The following CCSAP variants were observed in gnomAD, a reference collection of about 807,000 sequenced individuals.
The protein encoded by CCSAP is centriole, cilia and spindle-associated protein.
A neutral mutation model predicts 25.9 loss-of-function variants in CCSAP; 17 were observed. The observed-to-expected ratio is 0.66, with a 90% CI of 0.45 to 0.99. The LOEUF (loss-of-function observed/expected upper bound fraction) is 0.99, where lower values mean the gene tolerates loss of function less well. Among genes scored for constraint, CCSAP ranks in the 50% least tolerant of loss-of-function variants. The probability of loss-of-function intolerance (pLI) is 0.00; values close to 1 mark genes in which losing one functional copy is unlikely to be tolerated. For synonymous variants in CCSAP, 169 were observed against 157.1 expected (o/e 1.08, Z -0.57); for missense variants, 339 against 367.8 (o/e 0.92, Z 0.64).
At chr1:229,331,591 G>A (rs777718158) in intron 2 of CCSAP, among the ~76,000 whole-genome samples, 9 of 151,692 alleles carry the variant, frequency 5.9e-5, no homozygotes, top group Non-Finnish European at 1.3e-4. Flanking sequence ...AAACCTCAGG[G>A]GCAGGCCCCC....
intron 2 of CCSAP, chr1:229,340,390 T>C (rs1171766502): frequency 1.4e-6 from 1 of 716,516 alleles, no homozygotes; most frequent in Non-Finnish European, 2.6e-6. Context: ...AATCATGAAC[T>C]CAGAGCTTAC....
In CCSAP at chr1:229,327,317, T is replaced by G. The variant is rs554030704; in HGVS notation, c.368-311A>C. On this transcript the variant is annotated intron_variant, in intron 2 of 3. Coordinates refer to ENST00000284617, the MANE Select transcript of CCSAP (RefSeq NM_145257.5). The stretch of plus-strand genomic sequence containing the variant: ...ATAGACAGCACCACACCCTAAGGGC[T>G]TTCTCCGCAATCCCCCAAGATAAAT... 8.3e-6 allele frequency: 3 copies of G among 361,360 alleles called. No individual in the cohort carries two copies. The East Asian group carries it at 2.2e-4, about 26-fold the overall frequency. 22.4% of individuals were successfully genotyped at this position (361,360 alleles called of 1,614,324 possible). A position where few individuals can be genotyped will look rare whatever the true frequency, so the allele number is the denominator to read the frequency against.
chr1:229,325,947 T>A (rs1021563622), intron 3 of CCSAP, among the ~76,000 whole-genome samples: 1 of 152,216 alleles, frequency 6.6e-6, no homozygotes, highest in Non-Finnish European at 1.5e-5. Flanking sequence ...TCACTCCAAA[T>A]AACACCATTT....
Position 229,325,223 on chromosome 1 carries a change from G to T in CCSAP, c.*12C>A. 2 of 1,580,470 alleles carry T rather than the reference G, an allele frequency of 1.3e-6. No homozygotes were observed. Among genetic ancestry groups the T allele is most frequent in the Non-Finnish European group, 1.7e-6 (2 of 1,168,026 alleles). On this transcript the variant is annotated 3_prime_UTR_variant, in exon 4 of 4. Transcript: ENST00000284617. Reference sequence around the variant, plus strand: ...ACACTTTTTAAAAGAGGCTGTCCACGCAAGTGTTTCTTTAAGCTCTTGCCG... The same window carrying T: ...ACACTTTTTAAAAGAGGCTGTCCACTCAAGTGTTTCTTTAAGCTCTTGCCG...
At chr1:229,340,711 TG>T in intron 2 of CCSAP, 1 of 360,222 alleles carries the variant, frequency 2.8e-6, no homozygotes, top group Non-Finnish European at 5.0e-6. Flanking sequence ...CCTCCGATGA[TG>T]AGCTGAAAAT....
chr1:229,337,670 C>CAAAAAAAA (rs539736168), intron 2 of CCSAP, among the ~76,000 whole-genome samples: 20 of 56,042 alleles, frequency 3.6e-4, no homozygotes, highest in East Asian at 1.9e-3. Context: ...ATCAAAGGCT[C>CAAAAAAAA]AAAAAAAAAT....
intron 2 of CCSAP, among the ~76,000 whole-genome samples, chr1:229,339,408 A>T (rs1365912601): frequency 5.9e-5 from 9 of 152,230 alleles, no homozygotes; most frequent in Admixed American, 5.9e-4. Context: ...TTCCATGCCC[A>T]GCCACACTCA....
chr1:229,340,708 T>A, intron 2 of CCSAP: 1 of 363,258 alleles, frequency 2.8e-6, no homozygotes, highest in Non-Finnish European at 4.9e-6. Context: ...CTGCCTCCGA[T>A]GATGAGCTGA....
At chr1:229,335,482 C>T (rs909247365) in intron 2 of CCSAP, among the ~76,000 whole-genome samples, 3 of 152,158 alleles carry the variant, frequency 2.0e-5, no homozygotes, top group African/African-American at 7.2e-5. Context: ...TTGGGATCCA[C>T]GGGTCCTCCC....
In CCSAP at chr1:229,342,597, C is replaced by T. The variant is rs1310898615; in HGVS notation, c.-48-84G>A. 5.3e-6 allele frequency: 3 copies of T among 564,644 alleles called. No individual in the cohort carries two copies. The highest frequency in any genetic ancestry group is 7.9e-6 in the Non-Finnish European group (3 of 381,296). 35.0% of individuals were successfully genotyped at this position (564,644 alleles called of 1,614,324 possible). Reference sequence around the variant, plus strand: ...CGCGACGTTTAAACCCGGAGCCCCGCCCGGACGGGAGCAGGGGGCGGGTCC... The same window carrying T: ...CGCGACGTTTAAACCCGGAGCCCCGTCCGGACGGGAGCAGGGGGCGGGTCC... On this transcript the variant is annotated intron_variant, in intron 1 of 3. Coordinates refer to ENST00000284617, the MANE Select transcript of CCSAP (RefSeq NM_145257.5). The surrounding 1 kb of genome is among the most constrained non-coding windows in gnomAD (Gnocchi z 7.5).
chr1:229,337,970 T>C (rs531035055), intron 2 of CCSAP, among the ~76,000 whole-genome samples: 2 of 151,998 alleles, frequency 1.3e-5, no homozygotes, highest in African/African-American at 2.4e-5. Flanking sequence ...GTGGAACAAT[T>C]ATCAATTTCA....
At position 229,325,059 on chromosome 1, in the gene CCSAP, A is replaced by C; in HGVS notation, c.*176T>G. 1.8e-6 allele frequency: 1 copy of C among 554,256 alleles called. No individual in the cohort carries two copies. The highest frequency in any genetic ancestry group is 3.1e-6 in the Non-Finnish European group (1 of 323,800). 34.3% of individuals were successfully genotyped at this position (554,256 alleles called of 1,614,324 possible). On this transcript the variant is annotated 3_prime_UTR_variant, in exon 4 of 4. Coordinates refer to ENST00000284617, the MANE Select transcript of CCSAP (RefSeq NM_145257.5). ...GCTTCAACTGTCTGCCCTACTGCCG[A>C]GGTAGGTGACCAATATTCATCAAAA... is the stretch of plus-strand genomic sequence containing the variant.
rs1445005101 is a variant in CCSAP at position 229,323,536 on chromosome 1, CTG to C, written c.*1697_*1698del. The C allele has an allele frequency of 6.6e-6, 1 of 152,200 alleles. No individual in the cohort carries two copies. Among genetic ancestry groups the C allele is most frequent in the Non-Finnish European group, 1.5e-5 (1 of 68,048 alleles). 9.4% of individuals were successfully genotyped at this position (152,200 alleles called of 1,614,324 possible). A position where few individuals can be genotyped will look rare whatever the true frequency, so the allele number is the denominator to read the frequency against. ...CCACATTAAGGTGATCTTTAGGTAC[CTG>C]TGTCGTTTAAAGACTTTAATAATAG... On this transcript the variant is annotated 3_prime_UTR_variant, in exon 4 of 4. Coordinates refer to ENST00000284617, the MANE Select transcript of CCSAP (RefSeq NM_145257.5).
chr1:229,335,406 C>G (rs531387990), intron 2 of CCSAP, among the ~76,000 whole-genome samples: 1 of 152,298 alleles, frequency 6.6e-6, no homozygotes, highest in South Asian at 2.1e-4. Flanking sequence ...TCCAAAAGTT[C>G]AGCATCAATC....
At chr1:229,337,678 A>AAAAAAAAAATATATATAT in intron 2 of CCSAP, among the ~76,000 whole-genome samples, 3 of 65,514 alleles carry the variant, frequency 4.6e-5, no homozygotes, top group East Asian at 6.3e-4. Flanking sequence ...CTCAAAAAAA[A>AAAAAAAAAATATATATAT]ATATATATAT....
In CCSAP at chr1:229,342,177, C is replaced by T. The variant is rs1658350971; in HGVS notation, c.289G>A (p.Ala97Thr). ...TCCTGCTCCTCCGGGGCCCCGCGCG[C>T]CCGCCGTTCCGCCTCCTCCTGGGTC... is the stretch of plus-strand genomic sequence containing the variant. ...PATQEEAERR[A>T]RGAPEEQDAE... Residue 97 changes from alanine to threonine, a missense_variant, in exon 2 of 4, where the codon GCG becomes ACG. Coordinates refer to ENST00000284617, the MANE Select transcript of CCSAP (RefSeq NM_145257.5). The surrounding 1 kb of genome is among the most constrained non-coding windows in gnomAD (Gnocchi z 7.5). The T allele has an allele frequency of 2.3e-6, 3 of 1,290,548 alleles. No homozygotes were observed. The highest frequency in any genetic ancestry group is 3.1e-5 in the African/African-American group (2 of 64,884). 79.9% of individuals were successfully genotyped at this position (1,290,548 alleles called of 1,614,324 possible). A position where few individuals can be genotyped will look rare whatever the true frequency, so the allele number is the denominator to read the frequency against.
At chr1:229,338,089 C>T (rs946682964) in intron 2 of CCSAP, among the ~76,000 whole-genome samples, 36 of 152,076 alleles carry the variant, frequency 2.4e-4, no homozygotes, top group African/African-American at 8.4e-4. Flanking sequence ...TTAAACAAAG[C>T]AATCATATAG....
At chr1:229,327,080 A>G in intron 2 of CCSAP, 74 bp from the exon 3 acceptor site, 4 of 1,258,832 alleles carry the variant, frequency 3.2e-6, no homozygotes, top group Non-Finnish European at 4.3e-6. Flanking sequence ...TTTATGTTGA[A>G]AAATCATAAT....
intron 2 of CCSAP, among the ~76,000 whole-genome samples, chr1:229,335,763 C>T (rs7524704): frequency 6.6e-6 from 1 of 152,122 alleles, no homozygotes; most frequent in African/African-American, 2.4e-5. Flanking sequence ...AGCCTGGAGC[C>T]TTCCAGTACA....
Sources: allele counts gnomAD v4.1 joint callset (sites outside exome capture counted in the v4.1 genomes callset), GRCh38; gene constraint gnomAD v4.1.1; non-coding constraint Gnocchi (gnomAD v3.1); transcripts MANE v1.5; gene names NCBI Gene and HGNC (gene_info 2026-07-23, HGNC 2026-07-21).